Variants in RUNX1 observed in about 807,000 individuals in gnomAD.
The protein encoded by RUNX1 is runt-related transcription factor 1.
Under a neutral mutation model 42.8 loss-of-function variants are expected in RUNX1, and 19 were observed. The observed-to-expected ratio is 0.44, with a 90% CI of 0.31 to 0.65. The LOEUF (loss-of-function observed/expected upper bound fraction) is 0.65. Among genes scored for constraint, RUNX1 ranks in the 30% least tolerant of loss-of-function variants. The pLI, the probability that RUNX1 is intolerant of heterozygous loss-of-function variation, is 0.07. For synonymous variants in RUNX1, 271 were observed against 289.4 expected (o/e 0.94, Z 0.64); for missense variants, 528 against 672.0 (o/e 0.79, Z 2.37).
At chr21:34,801,117 AT>A (rs1459761428) in intron 7 of RUNX1, among the ~76,000 whole-genome samples, 2 of 152,030 alleles carry the variant, frequency 1.3e-5, no homozygotes, top group African/African-American at 2.4e-5. Context: ...TGAAAAAAAA[AT>A]CATATACTTA....
chr21:34,902,456 T>C (rs187142106), intron 2 of RUNX1, among the ~76,000 whole-genome samples: 100 of 152,312 alleles, frequency 6.6e-4, no homozygotes, highest in Non-Finnish European at 1.0e-3. Flanking sequence ...AATTCTTGGA[T>C]ACTTGGAGTA....
intron 2 of RUNX1, among the ~76,000 whole-genome samples, chr21:34,995,112 T>TGTTGGGGG (rs1260851013): frequency 6.6e-6 from 1 of 152,212 alleles, no homozygotes; most frequent in African/African-American, 2.4e-5. Context: ...GGCTGTGCCA[T>TGTTGGGGG]GTTGGGGGAC....
chr21:34,896,886 A>G (rs1461253830), intron 2 of RUNX1, among the ~76,000 whole-genome samples: 1 of 152,122 alleles, frequency 6.6e-6, no homozygotes, highest in East Asian at 1.9e-4. Context: ...GTAGAAAGCG[A>G]ATGGGATGTA....
intron 2 of RUNX1, among the ~76,000 whole-genome samples, chr21:35,042,140 A>G (rs1461614905): frequency 6.6e-6 from 1 of 152,192 alleles, no homozygotes; most frequent in African/African-American, 2.4e-5. Flanking sequence ...GAGACGCTCA[A>G]GTGTGATTTG....
rs375403346 is a variant in RUNX1 at position 34,788,339 on chromosome 21, C to G, written c.*3796G>C. Reference sequence around the variant, plus strand: ...TGATTTTTATACATCCAGAATAACACAAATAACCAACAGTTCTTTTTCTTT... The same window carrying G: ...TGATTTTTATACATCCAGAATAACAGAAATAACCAACAGTTCTTTTTCTTT... On this transcript the variant is annotated 3_prime_UTR_variant, in exon 9 of 9. Transcript: ENST00000675419. The G allele has an allele frequency of 8.6e-6, 2 of 233,382 alleles. No homozygotes were observed. The highest frequency in any genetic ancestry group is 1.7e-5 in the Non-Finnish European group (2 of 117,930). 14.5% of individuals were successfully genotyped at this position (233,382 alleles called of 1,614,324 possible).
In RUNX1 at chr21:34,907,821, C is replaced by T. The variant is rs550863642; in HGVS notation, c.59-14858G>A. Among the ~76,000 whole-genome samples, 1 of 152,268 alleles carries T rather than the reference C, an allele frequency of 6.6e-6. No homozygotes were observed. Among genetic ancestry groups the T allele is most frequent in the South Asian group, 2.1e-4 (1 of 4,830 alleles). On this transcript the variant is annotated intron_variant, in intron 2 of 8. Transcript: ENST00000675419. The surrounding 1 kb of genome is among the most constrained non-coding windows in gnomAD (Gnocchi z 5.3). ...TCTGTGGAATAGCATTGGGTCATTTCGTTCAGAGGCGAAAAGATTCTTAGC... is the reference window on the plus strand; with the variant it reads ...TCTGTGGAATAGCATTGGGTCATTTTGTTCAGAGGCGAAAAGATTCTTAGC...
chr21:35,035,826 C>G (rs57831900), intron 2 of RUNX1, among the ~76,000 whole-genome samples: 14,089 of 152,260 alleles, frequency 0.093, 2,166 homozygotes, highest in African/African-American at 0.32. Context: ...AGGTCTCTCT[C>G]TGCTTTCTGC....
At chr21:34,948,108 G>T (rs930688999) in intron 2 of RUNX1, among the ~76,000 whole-genome samples, 1 of 150,846 alleles carries the variant, frequency 6.6e-6, no homozygotes, top group Admixed American at 6.6e-5. Flanking sequence ...TTTGGGGGGG[G>T]GTTTCACTTT....
rs111244782 is a variant in RUNX1 at position 34,864,360 on chromosome 21, G to C, written c.509-4782C>G. On this transcript the variant is annotated intron_variant, in intron 5 of 8. Coordinates refer to ENST00000675419, the MANE Select transcript of RUNX1 (RefSeq NM_001754.5). The stretch of plus-strand genomic sequence containing the variant: ...GCCGGAATAGTGAGAAATCACAGGA[G>C]AGCAAGGGAGGGCAGGTTGGCTAAA... Among the ~76,000 whole-genome samples the C allele has an allele frequency of 4.4e-3, 663 of 152,384 alleles. 4 individuals carry two copies. Among genetic ancestry groups the C allele is most frequent in the African/African-American group, 0.015 (641 of 41,592 alleles).
intron 7 of RUNX1, among the ~76,000 whole-genome samples, chr21:34,812,920 C>G (rs940924125): frequency 1.8e-4 from 27 of 152,044 alleles, no homozygotes; most frequent in African/African-American, 6.3e-4. Context: ...AGAGGGATGA[C>G]CTATGGAAGA....
intron 2 of RUNX1, among the ~76,000 whole-genome samples, chr21:34,976,272 T>G (rs575341438): frequency 1.3e-5 from 2 of 152,116 alleles, no homozygotes; most frequent in African/African-American, 4.8e-5. Flanking sequence ...CTTGCAAGAG[T>G]ATATCATCAA....
At chr21:34,974,774 T>C (rs2058788619) in intron 2 of RUNX1, among the ~76,000 whole-genome samples, 1 of 152,212 alleles carries the variant, frequency 6.6e-6, no homozygotes, top group African/African-American at 2.4e-5. Context: ...GCAAAGGCTA[T>C]TTTGCTCTTG....
In RUNX1 at chr21:34,788,944, A is replaced by C. The variant is rs1362717360; in HGVS notation, c.*3191T>G. On this transcript the variant is annotated 3_prime_UTR_variant, in exon 9 of 9. Transcript: ENST00000675419. ...AGGTATTTCAAGGCAGAAATCTGCA[A>C]TCCTAAATTGCAGGACATTTGAGTG... 4.3e-6 allele frequency: 1 copy of C among 233,256 alleles called. No individual in the cohort carries two copies. Among genetic ancestry groups the C allele is most frequent in the Non-Finnish European group, 8.5e-6 (1 of 118,082 alleles). 14.4% of individuals were successfully genotyped at this position (233,256 alleles called of 1,614,324 possible).
rs534126823 is a variant in RUNX1, at chr21:34,817,446, A to G, written c.805+16964T>C. Among the ~76,000 whole-genome samples, 45 of 152,344 alleles carry G rather than the reference A, an allele frequency of 3.0e-4. No homozygotes were observed. In the South Asian group the frequency reaches 8.3e-3, roughly 28 times the overall value. On this transcript the variant is annotated intron_variant, in intron 7 of 8. Transcript: ENST00000675419. ...TTTTCCCTGTTGTGTCGCTGAGGCC[A>G]AATTAGGAGTCAGCAATGGGGCTTA... is the stretch of plus-strand genomic sequence containing the variant.
chr21:34,845,892 C>T (rs894942852), intron 6 of RUNX1, among the ~76,000 whole-genome samples: 2 of 152,166 alleles, frequency 1.3e-5, no homozygotes, highest in Non-Finnish European at 2.9e-5. Context: ...AGGTTAGTAA[C>T]ACAGAATGAG....
intron 2 of RUNX1, among the ~76,000 whole-genome samples, chr21:34,984,369 C>T (rs1210484418): frequency 2.0e-5 from 3 of 152,088 alleles, no homozygotes; most frequent in Admixed American, 2.0e-4. Context: ...AGCAAAGTGG[C>T]CAATCTCAGT....
chr21:34,795,827 A>G (rs1174397994), intron 8 of RUNX1, among the ~76,000 whole-genome samples: 1 of 152,206 alleles, frequency 6.6e-6, no homozygotes, highest in African/African-American at 2.4e-5. Flanking sequence ...ATTTAGATTT[A>G]TAGAGTCTAC....
At chr21:35,000,766 T>A (rs899944514) in intron 2 of RUNX1, among the ~76,000 whole-genome samples, 1 of 152,198 alleles carries the variant, frequency 6.6e-6, no homozygotes, top group African/African-American at 2.4e-5. Context: ...CATCATTGCC[T>A]TTTGGTATGG....
intron 7 of RUNX1, among the ~76,000 whole-genome samples, chr21:34,818,724 C>T (rs2056866606): frequency 6.6e-6 from 1 of 152,212 alleles, no homozygotes; most frequent in Non-Finnish European, 1.5e-5. Context: ...GATGGACCAG[C>T]CGACCGGCAG....
Sources: gnomAD v4.1 joint callset for allele counts (sites outside exome capture counted in the v4.1 genomes callset) on GRCh38, gnomAD v4.1.1 for gene constraint, Gnocchi (gnomAD v3.1) non-coding constraint, MANE v1.5 for transcripts, NCBI Gene and HGNC (gene_info 2026-07-23, HGNC 2026-07-21) for gene names.